RMND1: variants seen among roughly 807,000 people sequenced by gnomAD.
RMND1 encodes the protein required for meiotic nuclear division protein 1 homolog.
Under a neutral mutation model 54.0 loss-of-function variants are expected in RMND1, and 41 were observed. The observed-to-expected ratio is 0.76, with a 90% CI of 0.59 to 0.98. The LOEUF (loss-of-function observed/expected upper bound fraction) is 0.98, where lower values mean the gene tolerates loss of function less well. RMND1 is among the 50% of genes least tolerant of loss of function. The pLI is 0.00. For synonymous variants in RMND1, 183 were observed against 181.7 expected, an observed-to-expected ratio of 1.01 and a Z score of -0.06; for missense variants, 457 against 532.0, an observed-to-expected ratio of 0.86 and a Z score of 1.39.
chr6:151,406,402 G>A (rs936264963), intron 10 of RMND1, among the ~76,000 whole-genome samples: 6 of 151,758 alleles, frequency 4.0e-5, no homozygotes, highest in Non-Finnish European at 8.8e-5. Context: ...TCCCTCTGTC[G>A]CCCAGGCCGG....
At chr6:151,450,403 T>G (rs1284133890) in intron 1 of RMND1, among the ~76,000 whole-genome samples, 1 of 122,700 alleles carries the variant, frequency 8.1e-6, no homozygotes, top group Non-Finnish European at 1.6e-5. Context: ...GGGAGGGAGG[T>G]GGGGGTCAGC....
intron 1 of RMND1, among the ~76,000 whole-genome samples, chr6:151,451,719 G>A (rs555377685): frequency 3.3e-5 from 5 of 152,270 alleles, no homozygotes; most frequent in South Asian, 4.2e-4. Flanking sequence ...TTACAGCTAG[G>A]CTACGATTCG....
rs1370703900 is a variant in RMND1, at chr6:151,426,305, T to G, written c.830+1177A>C. 3.9e-5 allele frequency among the ~76,000 whole-genome samples: 6 copies of G among 152,264 alleles called. No homozygotes were observed. The Middle Eastern group carries it at 0.01, about 259-fold the overall frequency. On this transcript the variant is annotated intron_variant, in intron 6 of 11. Transcript: ENST00000444024. ...ATATTTCACTAGACAGGTAACTCCA[T>G]GAGGAAAAAGACACTACCATCTTGT...
intron 10 of RMND1, among the ~76,000 whole-genome samples, chr6:151,415,917 G>C (rs377094628): frequency 1.1e-4 from 17 of 152,112 alleles, no homozygotes; most frequent in African/African-American, 3.4e-4. Context: ...GTCCGGGTAG[G>C]GGGAGGGCAG....
intron 6 of RMND1, among the ~76,000 whole-genome samples, chr6:151,423,951 G>A (rs1780222406): frequency 6.6e-6 from 1 of 151,486 alleles, no homozygotes. Flanking sequence ...AGGTTCAAGC[G>A]ATTCTCCTGC....
intron 9 of RMND1, among the ~76,000 whole-genome samples, chr6:151,419,876 G>GTGCAAGCAAACACATGTACATGTGTA (rs1780109738): frequency 1.3e-5 from 2 of 152,102 alleles, no homozygotes; most frequent in East Asian, 3.9e-4. Flanking sequence ...ATGCATGTGT[G>GTGCAAGCAAACACATGTACATGTGTA]TGCAAGCAAA....
At chr6:151,410,094 A>C (rs143671152) in intron 10 of RMND1, among the ~76,000 whole-genome samples, 2 of 147,042 alleles carry the variant, frequency 1.4e-5, no homozygotes, top group South Asian at 2.1e-4. Flanking sequence ...TTGCTCTGTC[A>C]CCCAGGCTGG....
At chr6:151,430,035 C>T in intron 5 of RMND1, 103 bp downstream of exon 5, 1 of 719,590 alleles carries the variant, frequency 1.4e-6, no homozygotes, top group South Asian at 1.7e-5. Context: ...ATAAGTTGTG[C>T]ATAATCTATT....
intron 7 of RMND1, 70 bp from the exon 8 acceptor site, chr6:151,422,675 C>A: frequency 1.5e-6 from 1 of 649,340 alleles, no homozygotes; most frequent in South Asian, 2.4e-5. Context: ...TACATAATTG[C>A]ACAGCATCTT....
chr6:151,440,935 T>C (rs979411873), intron 2 of RMND1, among the ~76,000 whole-genome samples: 1 of 152,282 alleles, frequency 6.6e-6, no homozygotes, highest in East Asian at 1.9e-4. Context: ...TACATATATA[T>C]GTAAAGCATA....
rs539763494 is a variant in RMND1, at chr6:151,445,953, T to C, written c.-14-128A>G. ...AAACAGATACATTCTAAGTTAATTC[T>C]AGTAAAAGAACAAGGTTAAAAATAT... On this transcript the variant is annotated intron_variant, in intron 1 of 11. Coordinates refer to ENST00000444024, the MANE Select transcript of RMND1 (RefSeq NM_017909.4). 206 of 835,268 alleles carry C rather than the reference T, an allele frequency of 2.5e-4. 1 individual carries two copies. In the African/African-American group the frequency reaches 3.3e-3, roughly 13 times the overall value. The allele number at this position is 835,268 out of a possible 1,614,324, so 51.7% of individuals were successfully genotyped here. A position where few individuals can be genotyped will look rare whatever the true frequency, so the allele number is the denominator to read the frequency against.
intron 2 of RMND1, among the ~76,000 whole-genome samples, chr6:151,438,803 T>C (rs572716016): frequency 3.9e-4 from 59 of 149,428 alleles, no homozygotes; most frequent in Non-Finnish European, 7.3e-4. Context: ...TACTTTTTTT[T>C]TTTTTTCCAA....
chr6:151,433,375 T>G, intron 3 of RMND1, 145 bp from the exon 4 acceptor site: 2 of 484,598 alleles, frequency 4.1e-6, no homozygotes, highest in Non-Finnish European at 7.3e-6. Flanking sequence ...ATCTTTCTAC[T>G]AAGGCCTCTG....
intron 10 of RMND1, among the ~76,000 whole-genome samples, chr6:151,409,206 C>G (rs1177370545): frequency 2.0e-5 from 3 of 152,190 alleles, no homozygotes; most frequent in Non-Finnish European, 2.9e-5. Context: ...TGTGGATGAA[C>G]ATTAATAGTT....
At chr6:151,429,036 G>A (rs1177579397) in intron 5 of RMND1, among the ~76,000 whole-genome samples, 1 of 151,382 alleles carries the variant, frequency 6.6e-6, no homozygotes, top group Non-Finnish European at 1.5e-5. Context: ...CACCTACTGT[G>A]TGTGTTTCCT....
chr6:151,451,037 C>T (rs1231492602), intron 1 of RMND1, among the ~76,000 whole-genome samples: 1 of 152,080 alleles, frequency 6.6e-6, no homozygotes, highest in African/African-American at 2.4e-5. Context: ...ACTCCCTAAT[C>T]TCAAGTACCC....
intron 10 of RMND1, among the ~76,000 whole-genome samples, chr6:151,412,957 A>G (rs1173446740): frequency 6.6e-6 from 1 of 151,998 alleles, no homozygotes; most frequent in Non-Finnish European, 1.5e-5. Context: ...CATTCGACAC[A>G]AGATTTGGGC....
chr6:151,451,384 T>G (rs1781190545), intron 1 of RMND1, among the ~76,000 whole-genome samples: 1 of 152,004 alleles, frequency 6.6e-6, no homozygotes, highest in South Asian at 2.1e-4. Flanking sequence ...CAGCTGAAAA[T>G]AAAATAGACA....
intron 8 of RMND1, among the ~76,000 whole-genome samples, chr6:151,422,230 T>C (rs2114936787): frequency 6.6e-6 from 1 of 152,250 alleles, no homozygotes; most frequent in Middle Eastern, 3.4e-3. Context: ...ATGTACAAAC[T>C]GTTTTTTCTT....
Sources: allele counts gnomAD v4.1 joint callset (sites outside exome capture counted in the v4.1 genomes callset), GRCh38; gene constraint gnomAD v4.1.1; transcripts MANE v1.5; gene names NCBI Gene and HGNC (gene_info 2026-07-23, HGNC 2026-07-21).